The following EMB variants were observed in gnomAD, a reference collection of about 807,000 sequenced individuals.
EMB encodes the protein embigin homolog.
Under a neutral mutation model 41.4 loss-of-function variants are expected in EMB, and 31 were observed. That is an observed-to-expected ratio of 0.75 (90% CI 0.56 to 1.01). The LOEUF (loss-of-function observed/expected upper bound fraction) is 1.01. EMB is among the 50% of genes least tolerant of loss of function. The probability of loss-of-function intolerance (pLI) is 0.00; values close to 1 mark genes in which losing one functional copy is unlikely to be tolerated. For synonymous variants in EMB, 137 were observed against 140.4 expected, an observed-to-expected ratio of 0.98 and a Z score of 0.17; for missense variants, 379 against 388.3, an observed-to-expected ratio of 0.98 and a Z score of 0.20.
chr5:50,406,180 C>T (rs186016418), intron 4 of EMB, among the ~76,000 whole-genome samples: 75 of 151,890 alleles, frequency 4.9e-4, no homozygotes, highest in African/African-American at 1.7e-3. Context: ...GTTCTTTCTT[C>T]CCACCTACTA....
intron 5 of EMB, 133 bp from the exon 6 acceptor site, chr5:50,403,587 G>C: frequency 1.0e-6 from 1 of 978,806 alleles, no homozygotes; most frequent in South Asian, 1.7e-5. Flanking sequence ...AAGTTTGTGA[G>C]AGGTTATCTA....
intron 4 of EMB, among the ~76,000 whole-genome samples, chr5:50,409,052 A>G (rs1251766141): frequency 6.6e-6 from 1 of 152,142 alleles, no homozygotes; most frequent in Non-Finnish European, 1.5e-5. Context: ...ACAACTAGAA[A>G]AGAAAAAAAA....
At chr5:50,410,577 G>C (rs1478896782) in intron 4 of EMB, among the ~76,000 whole-genome samples, 1 of 152,108 alleles carries the variant, frequency 6.6e-6, no homozygotes, top group Non-Finnish European at 1.5e-5. Context: ...TAAGAGCTAT[G>C]AATTTAGAGA....
intron 2 of EMB, among the ~76,000 whole-genome samples, chr5:50,418,222 C>T (rs1294918387): frequency 3.3e-5 from 5 of 152,232 alleles, no homozygotes; most frequent in Non-Finnish European, 4.4e-5. Flanking sequence ...AATGGTTACA[C>T]TGTTTTAGTA....
intron 2 of EMB, among the ~76,000 whole-genome samples, chr5:50,418,295 T>G (rs1440494699): frequency 1.3e-5 from 2 of 152,228 alleles, no homozygotes; most frequent in Non-Finnish European, 2.9e-5. Flanking sequence ...AACACTATAG[T>G]GGGGACCACT....
At chr5:50,412,883 CTT>C (rs34136923) in intron 2 of EMB, among the ~76,000 whole-genome samples, 1 of 132,148 alleles carries the variant, frequency 7.6e-6, no homozygotes, top group Non-Finnish European at 1.6e-5. Context: ...TAAGTACAAG[CTT>C]TTTTTTTTTT....
intron 6 of EMB, among the ~76,000 whole-genome samples, chr5:50,402,974 G>C (rs1745189522): frequency 6.7e-6 from 1 of 148,648 alleles, no homozygotes; most frequent in South Asian, 2.1e-4. Context: ...GAAACAGGAA[G>C]ACCATGGGTA....
At chr5:50,434,405 T>A (rs954677352) in intron 1 of EMB, among the ~76,000 whole-genome samples, 2 of 152,196 alleles carry the variant, frequency 1.3e-5, no homozygotes, top group Non-Finnish European at 2.9e-5. Context: ...TTTTAAAGTG[T>A]GAACATTTTT....
At chr5:50,404,303 C>A (rs1374575030) in intron 5 of EMB, among the ~76,000 whole-genome samples, 1 of 151,886 alleles carries the variant, frequency 6.6e-6, no homozygotes, top group African/African-American at 2.4e-5. Flanking sequence ...TTACAGCAAC[C>A]TGGCACCATG....
intron 2 of EMB, among the ~76,000 whole-genome samples, chr5:50,413,684 T>C (rs1377507538): frequency 1.3e-5 from 2 of 151,818 alleles, no homozygotes; most frequent in African/African-American, 4.8e-5. Flanking sequence ...CAAGCGATTC[T>C]CCTGCCTCAG....
chr5:50,420,445 T>C (rs183836441), intron 2 of EMB, among the ~76,000 whole-genome samples: 38 of 152,210 alleles, frequency 2.5e-4, no homozygotes, highest in African/African-American at 8.9e-4. Context: ...AGTCAGTACA[T>C]ACATTTTGTA....
intron 1 of EMB, among the ~76,000 whole-genome samples, chr5:50,431,618 G>A (rs1745721620): frequency 6.6e-6 from 1 of 151,664 alleles, no homozygotes; most frequent in Non-Finnish European, 1.5e-5. Context: ...CATCTGATAG[G>A]GAAAAAAAAT....
intron 4 of EMB, among the ~76,000 whole-genome samples, chr5:50,408,546 C>G (rs1402745908): frequency 6.6e-6 from 1 of 151,994 alleles, no homozygotes; most frequent in African/African-American, 2.4e-5. Flanking sequence ...GCAGCAGGGA[C>G]TTTGCTGATG....
At chr5:50,435,251 C>T (rs1022126794) in intron 1 of EMB, among the ~76,000 whole-genome samples, 3 of 152,056 alleles carry the variant, frequency 2.0e-5, no homozygotes, top group African/African-American at 7.2e-5. Context: ...AAAACATTAC[C>T]GTCTATTTCC....
intron 1 of EMB, among the ~76,000 whole-genome samples, chr5:50,439,819 A>G (rs1477340125): frequency 6.6e-6 from 1 of 152,134 alleles, no homozygotes; most frequent in African/African-American, 2.4e-5. Context: ...ATAAATTCCC[A>G]TGAGAGTTTG....
intron 2 of EMB, among the ~76,000 whole-genome samples, chr5:50,413,258 T>A (rs1157774654): frequency 6.6e-6 from 1 of 152,118 alleles, no homozygotes; most frequent in Non-Finnish European, 1.5e-5. Flanking sequence ...AAAAAAGAAA[T>A]CATACAAATA....
chr5:50,410,137 T>C (rs1441618380), intron 4 of EMB, among the ~76,000 whole-genome samples: 5 of 152,086 alleles, frequency 3.3e-5, no homozygotes, highest in Admixed American at 3.3e-4. Context: ...GGGGAATTAA[T>C]GCAAAGCAGA....
chr5:50,423,686 T>C (rs1405269177), intron 2 of EMB, among the ~76,000 whole-genome samples: 2 of 152,202 alleles, frequency 1.3e-5, no homozygotes, highest in South Asian at 2.1e-4. Flanking sequence ...AAGTACTACC[T>C]GCCAGGGTCA....
Position 50,398,263 on chromosome 5 carries a change from A to G in EMB, c.*1010T>C, listed in dbSNP as rs937546439. On this transcript the variant is annotated 3_prime_UTR_variant, in exon 9 of 9. Transcript: ENST00000303221. ...TGAGTTTATAAAATATTTCAGTTAT[A>G]TATGCAATAGAAACGAAGTATCCTA... is the stretch of plus-strand genomic sequence containing the variant. The G allele has an allele frequency of 6.6e-6, 1 of 151,880 alleles. No homozygotes were observed. The highest frequency in any genetic ancestry group is 1.5e-5 in the Non-Finnish European group (1 of 67,952). The allele number at this position is 151,880 out of a possible 1,614,324, so 9.4% of individuals were successfully genotyped here.
Sources: allele counts gnomAD v4.1 joint callset (sites outside exome capture counted in the v4.1 genomes callset), GRCh38; gene constraint gnomAD v4.1.1; transcripts MANE v1.5; gene names NCBI Gene and HGNC (gene_info 2026-07-23, HGNC 2026-07-21).